SAMD5: variants seen among roughly 807,000 people sequenced by gnomAD.
SAMD5 encodes the protein sterile alpha motif domain-containing protein 5.
In SAMD5, 13 loss-of-function variants were observed where a neutral mutation model predicts 11.3. The observed-to-expected ratio is 1.15, with a 90% CI of 0.75 to 1.83. The LOEUF (loss-of-function observed/expected upper bound fraction) is 1.83, where lower values mean the gene tolerates loss of function less well. SAMD5 is among the 40% of genes most tolerant of loss of function. The pLI is 0.00. For missense variants in SAMD5, 255 were observed against 239.1 expected, an observed-to-expected ratio of 1.07 and a Z score of -0.44; for synonymous variants, 129 against 111.3, an observed-to-expected ratio of 1.16 and a Z score of -1.00.
At chr6:147,570,103 T>C, downstream of SAMD5, 1 of 754,464 alleles carries the variant, frequency 1.3e-6, no homozygotes, top group Non-Finnish European at 1.6e-6. Flanking sequence ...TGACAATATG[T>C]AAATATTTAT....
the SAMD5 span, among the ~76,000 whole-genome samples, chr6:147,888,920 G>A: frequency 6.6e-6 from 1 of 151,154 alleles, no homozygotes; most frequent in African/African-American, 2.4e-5. Flanking sequence ...TTTTCTCTCT[G>A]CTTTCAAGCA....
At chr6:147,525,110 GA>G (rs934232477) in intron 1 of SAMD5, among the ~76,000 whole-genome samples, 2 of 151,620 alleles carry the variant, frequency 1.3e-5, no homozygotes, top group African/African-American at 4.9e-5. Context: ...GTGAAAAATA[GA>G]TATGGTATAG....
the SAMD5 span, among the ~76,000 whole-genome samples, chr6:147,747,717 T>C: frequency 6.6e-6 from 1 of 152,164 alleles, no homozygotes; most frequent in African/African-American, 2.4e-5. Context: ...TTTCACCATG[T>C]TCCCTAGGCC....
intron 1 of SAMD5, among the ~76,000 whole-genome samples, chr6:147,724,020 T>C (rs951480496): frequency 6.6e-6 from 1 of 152,210 alleles, no homozygotes; most frequent in Non-Finnish European, 1.5e-5. Flanking sequence ...TTGAGCCACA[T>C]TTATCCTCAT....
chr6:147,816,301 A>AAATATATAT, the SAMD5 span, among the ~76,000 whole-genome samples: 33 of 66,362 alleles, frequency 5.0e-4, 1 homozygote, highest in African/African-American at 1.8e-3. Context: ...AAAAAAAAAA[A>AAATATATAT]ATATATATAT....
intron 1 of SAMD5, among the ~76,000 whole-genome samples, chr6:147,529,920 T>C (rs961436978): frequency 3.3e-5 from 5 of 152,362 alleles, no homozygotes; most frequent in African/African-American, 1.2e-4. Flanking sequence ...ATGATCTGTA[T>C]TATGTGTTTA....
At chr6:147,642,254 T>C (rs1307692901) in intron 1 of SAMD5, among the ~76,000 whole-genome samples, 1 of 152,244 alleles carries the variant, frequency 6.6e-6, no homozygotes, top group African/African-American at 2.4e-5. Flanking sequence ...TAAAAGTTTT[T>C]ATCTTTTTGT....
In SAMD5 at chr6:147,686,398, T is replaced by C. The variant is rs553732649; in HGVS notation, c.163-50919T>C. Among the ~76,000 whole-genome samples, 120 of 152,288 alleles carry C rather than the reference T, an allele frequency of 7.9e-4. 2 individuals are homozygous for C. In the South Asian group the frequency reaches 0.024, roughly 31 times the overall value. ...CTTCTATTATCTTCTAAATGCCATA[T>C]TGTCATGCCTTTTATATTTAGAATT... is the stretch of plus-strand genomic sequence containing the variant. On this transcript the variant is annotated intron_variant, in intron 1 of 1. Transcript: ENST00000566741.
downstream of SAMD5, among the ~76,000 whole-genome samples, chr6:147,739,593 G>A (rs1791850275): frequency 2.0e-5 from 3 of 152,060 alleles, no homozygotes; most frequent in African/African-American, 7.2e-5. Context: ...GTGAGACCCT[G>A]TCTCAACACA....
At chr6:147,867,423 AT>A in the SAMD5 span, among the ~76,000 whole-genome samples, 2 of 151,400 alleles carry the variant, frequency 1.3e-5, no homozygotes, top group African/African-American at 2.4e-5. Context: ...TGGTGGAAAG[AT>A]TTTTTTTCTT....
the SAMD5 span, among the ~76,000 whole-genome samples, chr6:147,794,513 A>T: frequency 3.9e-5 from 6 of 152,200 alleles, no homozygotes; most frequent in Non-Finnish European, 7.4e-5. Flanking sequence ...GATACATTAA[A>T]CATTTGTAAT....
chr6:147,722,419 ATGCCCTCGTCATCCATCCACACTT>A (rs1791568761), intron 1 of SAMD5, among the ~76,000 whole-genome samples: 1 of 152,150 alleles, frequency 6.6e-6, no homozygotes, highest in Non-Finnish European at 1.5e-5. Flanking sequence ...CCAATATTTT[ATGCCCTCGTCATCCATCCACACTT>A]TGCACAAGCA....
the SAMD5 span, among the ~76,000 whole-genome samples, chr6:147,857,732 A>G: frequency 0.063 from 9,646 of 151,960 alleles, 1,029 homozygotes; most frequent in African/African-American, 0.22. Flanking sequence ...AATCAACACT[A>G]TAGAGGGGAC....
the SAMD5 span, among the ~76,000 whole-genome samples, chr6:147,787,382 C>G: frequency 6.6e-6 from 1 of 152,150 alleles, no homozygotes; most frequent in Non-Finnish European, 1.5e-5. Context: ...CTTTATAAAT[C>G]TTACTTTTTG....
the SAMD5 span, among the ~76,000 whole-genome samples, chr6:147,779,147 G>A: frequency 6.6e-6 from 1 of 151,972 alleles, no homozygotes; most frequent in African/African-American, 2.4e-5. Flanking sequence ...ATTTATATAT[G>A]TATATATACC....
intron 1 of SAMD5, among the ~76,000 whole-genome samples, chr6:147,527,841 G>T (rs1788367012): frequency 6.6e-6 from 1 of 152,104 alleles, no homozygotes; most frequent in Non-Finnish European, 1.5e-5. Context: ...AAGAAAAGAG[G>T]TTTAATTGGC....
intron 1 of SAMD5, among the ~76,000 whole-genome samples, chr6:147,561,186 A>AATTT (rs753629830): frequency 0.012 from 1,888 of 152,012 alleles, 18 homozygotes; most frequent in South Asian, 0.047. Context: ...GGCTTTTATG[A>AATTT]ATTTATTTAT....
the SAMD5 span, among the ~76,000 whole-genome samples, chr6:147,887,424 CTT>C: frequency 4.6e-5 from 7 of 152,346 alleles, no homozygotes; most frequent in Admixed American, 3.9e-4. Flanking sequence ...AGAATGTACT[CTT>C]GTTTTGTCTA....
intron 1 of SAMD5, among the ~76,000 whole-genome samples, chr6:147,514,822 G>A (rs1015985486): frequency 2.6e-5 from 4 of 152,144 alleles, no homozygotes; most frequent in Non-Finnish European, 4.4e-5. Context: ...TACCCTTCGT[G>A]TGACTTTTAT....
Sources: gnomAD v4.1 joint callset for allele counts (sites outside exome capture counted in the v4.1 genomes callset) on GRCh38, gnomAD v4.1.1 for gene constraint, MANE v1.5 for transcripts, NCBI Gene and HGNC (gene_info 2026-07-23, HGNC 2026-07-21) for gene names.